TOMT: variants seen among roughly 807,000 people sequenced by gnomAD.
TOMT encodes transmembrane O-methyltransferase.
In TOMT, 23 loss-of-function variants were observed where a neutral mutation model predicts 21.7. The observed-to-expected ratio is 1.06, with a 90% CI of 0.76 to 1.50. The LOEUF (loss-of-function observed/expected upper bound fraction) is 1.50. Ranked by LOEUF, TOMT falls within the 40% of genes most tolerant of loss-of-function variation. The probability of loss-of-function intolerance (pLI) is 0.00; values close to 1 mark genes in which losing one functional copy is unlikely to be tolerated. For missense variants in TOMT, 331 were observed against 348.7 expected (o/e 0.95, Z 0.41); for synonymous variants, 132 against 150.8 (o/e 0.88, Z 0.91).
exon 1 of TOMT, chr11:72,106,101 C>T: frequency 6.5e-7 from 1 of 1,549,094 alleles, no homozygotes; most frequent in Non-Finnish European, 8.7e-7. Flanking sequence ...AGCGGGCCTT[C>T]AGCTACGTGC....
exon 3 of TOMT, chr11:72,108,940 G>T: frequency 6.7e-7 from 1 of 1,495,766 alleles, no homozygotes; most frequent in Non-Finnish European, 9.0e-7. Flanking sequence ...CAGGCCCAGG[G>T]GTACTTACTG....
intron 1 of TOMT, chr11:72,106,459 G>A (rs1945701877): frequency 2.0e-5 from 8 of 399,506 alleles, no homozygotes; most frequent in African/African-American, 4.0e-5. Flanking sequence ...AGAGATGAAT[G>A]AGCCACAAAT....
At chr11:72,108,663 A>G in exon 3 of TOMT, 1 of 1,527,038 alleles carries the variant, frequency 6.5e-7, no homozygotes. Flanking sequence ...ACCCAGTATC[A>G]GCTGAGTCGG....
At position 72,108,685 on chromosome 11, in the gene TOMT, GCT is replaced by G; in HGVS notation, c.539_540del (p.Leu180ProfsTer30). On this transcript the variant is annotated frameshift_variant, in exon 3 of 3. Transcript: ENST00000541899. LOFTEE classifies it high-confidence loss of function. ...ATCAGCTGAGTCGGGCAGACCTGGT[GCT>G]CCTGGCACACCGGCCACGATGTTAC... 2.6e-6 allele frequency: 4 copies of G among 1,543,134 alleles called. No homozygotes were observed. Among genetic ancestry groups the G allele is most frequent in the Non-Finnish European group, 3.5e-6 (4 of 1,142,682 alleles).
chr11:72,107,622 G>A, intron 1 of TOMT: 2 of 664,368 alleles, frequency 3.0e-6, no homozygotes, highest in East Asian at 2.7e-5. Context: ...AGGTAGGATA[G>A]GATCAGGTCC....
At chr11:72,105,965 T>C (rs1211560960) in exon 1 of TOMT, 14 of 1,549,416 alleles carry the variant, frequency 9.0e-6, no homozygotes, top group Middle Eastern at 2.1e-4. Context: ...TCCCCTGCCA[T>C]TGCATTGGCC....
exon 3 of TOMT, chr11:72,109,305 G>C (rs555713032): frequency 1.1e-4 from 51 of 470,590 alleles, no homozygotes; most frequent in Non-Finnish European, 1.7e-4. Flanking sequence ...CCCAGTTCTC[G>C]GCCTCAGAAA....
Position 72,106,139 on chromosome 11 carries a change from G to A in TOMT, c.188G>A (p.Gly63Asp), listed in dbSNP as rs776559425. Residue 63 changes from glycine to aspartate, a missense_variant, in exon 1 of 3, where the codon GGT becomes GAT. Transcript: ENST00000541899. The stretch of plus-strand genomic sequence containing the variant: ...ACCCATGCCCTGCCCGGTGACCCTG[G>A]TCACATCCTCACCACCCTGGACCAC... The A allele has an allele frequency of 1.4e-5, 21 of 1,541,208 alleles. No homozygotes were observed. In the South Asian group the frequency reaches 2.4e-4, roughly 17 times the overall value.
chr11:72,108,549 T>C, intron 2 of TOMT, 56 bp from the exon 3 acceptor site: 1 of 1,410,536 alleles, frequency 7.1e-7, no homozygotes, highest in Non-Finnish European at 9.3e-7. Context: ...TGGTGGGGTC[T>C]TGACTGGGAG....
chr11:72,106,040 C>T lies in TOMT; in HGVS notation c.89C>T (p.Thr30Met), dbSNP rs876657502. Residue 30 changes from threonine (T) to methionine (M), a missense_variant, in exon 1 of 3, where the codon ACG becomes ATG. Coordinates refer to ENST00000541899, the Ensembl canonical transcript of TOMT. ...CACTACTTCCGATTGCTGGTGCGCA[C>T]GGTCTTGCTGCGAAGCCTCCGAGAC... 11 of 1,550,944 alleles carry T rather than the reference C, an allele frequency of 7.1e-6. No homozygotes were observed. The highest frequency in any genetic ancestry group is 4.9e-5 in the East Asian group (2 of 40,932).
At chr11:72,107,534 G>A (rs1394957143) in intron 1 of TOMT, 6 of 702,894 alleles carry the variant, frequency 8.5e-6, no homozygotes, top group Non-Finnish European at 1.3e-5. Flanking sequence ...GAGACAGCTT[G>A]ATGGATTCTG....
At chr11:72,108,728 C>T (rs1457254440) in exon 3 of TOMT, 46 of 1,550,124 alleles carry the variant, frequency 3.0e-5, no homozygotes, top group Non-Finnish European at 3.9e-5. Flanking sequence ...GGACCTGCAG[C>T]TGCTGGAGGC....
chr11:72,108,383 C>T (rs1022392755), intron 2 of TOMT, among the ~76,000 whole-genome samples: 2 of 152,192 alleles, frequency 1.3e-5, no homozygotes, highest in African/African-American at 4.8e-5. Flanking sequence ...TTGTTAGCTA[C>T]GTGACCTTGA....
exon 2 of TOMT, chr11:72,108,007 T>A (rs1945870699): frequency 1.9e-6 from 3 of 1,551,750 alleles, no homozygotes; most frequent in Non-Finnish European, 2.6e-6. Flanking sequence ...TCTACCCTGC[T>A]TATTGCCCGA....
At chr11:72,107,391 G>C in intron 1 of TOMT, 1 of 689,276 alleles carries the variant, frequency 1.5e-6, no homozygotes, top group Non-Finnish European at 2.7e-6. Flanking sequence ...TAGGGTGGTT[G>C]TTTCTGCCTG....
At chr11:72,108,883 C>G in exon 3 of TOMT, 1 of 1,549,930 alleles carries the variant, frequency 6.5e-7, no homozygotes, top group East Asian at 2.4e-5. Flanking sequence ...TCCCTGCCAT[C>G]AAGGATGGAA....
At chr11:72,107,526 G>A (rs1025687433) in intron 1 of TOMT, 2 of 702,816 alleles carry the variant, frequency 2.8e-6, no homozygotes, top group African/African-American at 3.5e-5. Flanking sequence ...GAAGGAATGA[G>A]ACAGCTTGAT....
Position 72,108,846 on chromosome 11 carries a change from G to A in TOMT, c.698G>A (p.Arg233His), listed in dbSNP as rs776760828. ...AAGAGCTGTGGCCGCTACCGCTGCC[G>A]CCTCCACCACACTGGCCTTCCAGAC... The change falls in exon 3 of 3, where the codon CGC becomes CAC. Residue 233 changes from arginine (R) to histidine (H), a missense_variant. Coordinates refer to ENST00000541899, the Ensembl canonical transcript of TOMT. The A allele has an allele frequency of 1.9e-5, 30 of 1,550,370 alleles. No homozygotes were observed. The highest frequency in any genetic ancestry group is 1.8e-4 in the South Asian group (15 of 84,060).
In TOMT at chr11:72,106,132, GACCCTGGTCAC is replaced by G; in HGVS notation, c.183_193del (p.Gly63HisfsTer74). On this transcript the variant is annotated frameshift_variant, in exon 1 of 3. Coordinates refer to ENST00000541899, the Ensembl canonical transcript of TOMT. LOFTEE classifies it high-confidence loss of function. ...CGTGCTCACCCATGCCCTGCCCGGT[GACCCTGGTCAC>G]ATCCTCACCACCCTGGACCACTGGA... 6.5e-7 allele frequency: 1 copy of G among 1,543,944 alleles called. No individual in the cohort carries two copies. Among genetic ancestry groups the G allele is most frequent in the African/African-American group, 1.4e-5 (1 of 73,102 alleles).
Sources: gnomAD v4.1 joint callset for allele counts (sites outside exome capture counted in the v4.1 genomes callset) on GRCh38, gnomAD v4.1.1 for gene constraint, MANE v1.5 for transcripts, NCBI Gene and HGNC (gene_info 2026-07-23, HGNC 2026-07-21) for gene names.